MIS18A: variants seen among roughly 807,000 people sequenced by gnomAD.
MIS18A encodes protein Mis18-alpha.
In MIS18A, 14 loss-of-function variants were observed where a neutral mutation model predicts 25.0. The ratio of observed to expected loss-of-function variants is 0.56; its 90% CI spans 0.37 to 0.88. MIS18A has a LOEUF of 0.88. MIS18A is among the 40% of genes least tolerant of loss of function. The pLI is 0.00. For synonymous variants in MIS18A, 134 were observed against 118.6 expected, an observed-to-expected ratio of 1.13 and a Z score of -0.84; for missense variants, 292 against 290.8, an observed-to-expected ratio of 1.00 and a Z score of -0.03.
At chr21:32,277,095 A>G (rs1480193143) in intron 1 of MIS18A, among the ~76,000 whole-genome samples, 1 of 152,186 alleles carries the variant, frequency 6.6e-6, no homozygotes, top group African/African-American at 2.4e-5. Context: ...TAAGGAAGGA[A>G]TGGAAATGAA....
chr21:32,243,522 T>C, the MIS18A span, among the ~76,000 whole-genome samples: 1 of 152,270 alleles, frequency 6.6e-6, no homozygotes, highest in East Asian at 1.9e-4. Flanking sequence ...AAAATGATCA[T>C]GAAGCACCAC....
the MIS18A span, among the ~76,000 whole-genome samples, chr21:32,174,685 T>C: frequency 6.6e-6 from 1 of 152,218 alleles, no homozygotes; most frequent in Non-Finnish European, 1.5e-5. Flanking sequence ...TAAGAGTCAT[T>C]AACACACCAT....
the MIS18A span, among the ~76,000 whole-genome samples, chr21:32,155,901 G>A: frequency 1.3e-5 from 2 of 151,960 alleles, no homozygotes; most frequent in Admixed American, 6.6e-5. Flanking sequence ...CCTAAAAATA[G>A]GCTATACTAG....
chr21:32,178,104 G>T, the MIS18A span, among the ~76,000 whole-genome samples: 1 of 151,918 alleles, frequency 6.6e-6, no homozygotes, highest in African/African-American at 2.4e-5. Context: ...ATTTTTTGGA[G>T]AGACAAGGTC....
chr21:32,158,900 T>G, the MIS18A span, among the ~76,000 whole-genome samples: 16 of 152,350 alleles, frequency 1.1e-4, no homozygotes, highest in East Asian at 2.9e-3. Context: ...ATCCTAAATA[T>G]CTCTCTTCCT....
At chr21:32,170,957 A>G in the MIS18A span, among the ~76,000 whole-genome samples, 1 of 152,100 alleles carries the variant, frequency 6.6e-6, no homozygotes, top group Non-Finnish European at 1.5e-5. Flanking sequence ...AAAACACCCT[A>G]CAAACTAAGA....
chr21:32,234,797 C>T, the MIS18A span, among the ~76,000 whole-genome samples: 3 of 152,210 alleles, frequency 2.0e-5, no homozygotes, highest in East Asian at 5.8e-4. Context: ...CGGCACCACA[C>T]TTCCTGTACA....
At chr21:32,261,442 T>G in the MIS18A span, 1 of 152,322 alleles carries the variant, frequency 6.6e-6, no homozygotes, top group East Asian at 1.9e-4. Flanking sequence ...GGAGGGCTCT[T>G]TGTCACCAAG....
chr21:32,225,145 T>C, the MIS18A span, among the ~76,000 whole-genome samples: 2 of 51,910 alleles, frequency 3.9e-5, no homozygotes, highest in Admixed American at 2.0e-4. Context: ...GGATTAAAGA[T>C]TTAAACGTTA....
At chr21:32,187,787 A>T in the MIS18A span, among the ~76,000 whole-genome samples, 1 of 152,108 alleles carries the variant, frequency 6.6e-6, no homozygotes, top group Admixed American at 6.5e-5. Context: ...ATTATAAAGG[A>T]TCTGAGGTTT....
chr21:32,268,959 C>A lies in MIS18A; in HGVS notation c.*78G>T. 4 of 956,410 alleles carry A rather than the reference C, an allele frequency of 4.2e-6. No homozygotes were observed. The highest frequency in any genetic ancestry group is 4.9e-5 in the Admixed American group (2 of 40,466). 59.2% of individuals were successfully genotyped at this position (956,410 alleles called of 1,614,324 possible). A position where few individuals can be genotyped will look rare whatever the true frequency, so the allele number is the denominator to read the frequency against. ...TTTTTTCTTTTTTTTTTTGTAGAGACGACGTCTCACTATGTTGCTTCATTT... is the reference window on the plus strand; with the variant it reads ...TTTTTTCTTTTTTTTTTTGTAGAGAAGACGTCTCACTATGTTGCTTCATTT... On this transcript the variant is annotated 3_prime_UTR_variant, in exon 5 of 5. Coordinates refer to ENST00000290130, the MANE Select transcript of MIS18A (RefSeq NM_018944.3).
At chr21:32,206,392 G>A in the MIS18A span, among the ~76,000 whole-genome samples, 3 of 152,102 alleles carry the variant, frequency 2.0e-5, no homozygotes, top group Non-Finnish European at 4.4e-5. Flanking sequence ...CTGGAGCCGG[G>A]TGGTCAGTTA....
At chr21:32,216,031 C>T in the MIS18A span, among the ~76,000 whole-genome samples, 5 of 152,042 alleles carry the variant, frequency 3.3e-5, no homozygotes, top group Non-Finnish European at 5.9e-5. Context: ...GGACTAAAGA[C>T]CTCTAAAACT....
chr21:32,210,252 T>C, the MIS18A span, among the ~76,000 whole-genome samples: 19 of 152,310 alleles, frequency 1.2e-4, no homozygotes, highest in African/African-American at 4.6e-4. Context: ...CACAGAATTA[T>C]TGTGAGGATT....
the MIS18A span, among the ~76,000 whole-genome samples, chr21:32,191,240 C>T: frequency 0.15 from 23,060 of 152,204 alleles, 1,862 homozygotes; most frequent in East Asian, 0.24. Flanking sequence ...TCTATGAAAG[C>T]ACAGAAATTT....
At chr21:32,238,894 T>C in the MIS18A span, among the ~76,000 whole-genome samples, 5 of 152,322 alleles carry the variant, frequency 3.3e-5, no homozygotes, top group East Asian at 9.6e-4. Context: ...TCGACGTTTG[T>C]CAAAGTGTCT....
At chr21:32,278,389 A>G (rs368613094) in intron 1 of MIS18A, 54 of 440,246 alleles carry the variant, frequency 1.2e-4, no homozygotes, top group African/African-American at 9.9e-4. Flanking sequence ...AGGGTCTTTA[A>G]AAGTGTTATT....
At chr21:32,278,266 C>CT in intron 1 of MIS18A, 1 of 180,804 alleles carries the variant, frequency 5.5e-6, no homozygotes. Context: ...TCACTGGAGG[C>CT]TGTAGAGGCA....
chr21:32,239,160 G>A, the MIS18A span, among the ~76,000 whole-genome samples: 1 of 152,244 alleles, frequency 6.6e-6, no homozygotes, highest in Middle Eastern at 3.4e-3. Flanking sequence ...CTTCAATAGT[G>A]GGGGAAGAAC....
Sources: allele counts gnomAD v4.1 joint callset (sites outside exome capture counted in the v4.1 genomes callset), GRCh38; gene constraint gnomAD v4.1.1; transcripts MANE v1.5; gene names NCBI Gene and HGNC (gene_info 2026-07-23, HGNC 2026-07-21).